The following FLYWCH2 variants were observed in gnomAD, a reference collection of about 807,000 sequenced individuals.
FLYWCH2 encodes FLYWCH family member 2.
Under a neutral mutation model 6.0 loss-of-function variants are expected in FLYWCH2, and 2 were observed. The observed-to-expected ratio is 0.33, with a 90% CI of 0.14 to 1.04. FLYWCH2 has a LOEUF of 1.04. Among genes scored for constraint, FLYWCH2 ranks in the 50% least tolerant of loss-of-function variants. FLYWCH2 has a pLI of 0.45. For synonymous variants in FLYWCH2, 87 were observed against 79.3 expected, an observed-to-expected ratio of 1.10 and a Z score of -0.52; for missense variants, 192 against 183.4, an observed-to-expected ratio of 1.05 and a Z score of -0.27.
chr16:2,884,824 A>G (rs2069680545), intron 1 of FLYWCH2, among the ~76,000 whole-genome samples: 1 of 150,654 alleles, frequency 6.6e-6, no homozygotes, highest in Non-Finnish European at 1.5e-5. Context: ...CAGTGACCCA[A>G]GGTCGCGCCA....
intron 3 of FLYWCH2, among the ~76,000 whole-genome samples, chr16:2,897,735 G>A (rs894367733): frequency 2.0e-5 from 3 of 152,242 alleles, no homozygotes; most frequent in Non-Finnish European, 2.9e-5. Context: ...AGCAGGTCCT[G>A]CCTCTGGGCT....
chr16:2,887,684 C>A (rs2069714135), intron 1 of FLYWCH2, among the ~76,000 whole-genome samples: 1 of 151,860 alleles, frequency 6.6e-6, no homozygotes, highest in Admixed American at 6.6e-5. Flanking sequence ...AACGCTCCCA[C>A]CTCAGCCTCC....
intron 1 of FLYWCH2, among the ~76,000 whole-genome samples, chr16:2,885,342 A>T (rs72768801): frequency 1.8e-3 from 89 of 49,734 alleles, no homozygotes; most frequent in Admixed American, 3.3e-3. Flanking sequence ...AACAAAAAAA[A>T]AAATATACAG....
Position 2,894,072 on chromosome 16 carries a change from G to A in FLYWCH2, c.-199-1148G>A, listed in dbSNP as rs928954300. ...TGCGGTTTTGTCATTGAAAGCAATG[G>A]CAAAACCGCAATTACTTTTGCACTA... On this transcript the variant is annotated intron_variant, in intron 1 of 3. Transcript: ENST00000396958. 1.6e-4 allele frequency among the ~76,000 whole-genome samples: 24 copies of A among 152,026 alleles called. 1 individual carries two copies. The highest frequency in any genetic ancestry group is 5.3e-4 in the African/African-American group (22 of 41,398).
chr16:2,897,011 C>A, intron 3 of FLYWCH2: 1 of 579,120 alleles, frequency 1.7e-6, no homozygotes, highest in East Asian at 3.0e-5. Flanking sequence ...GAATGCGCTG[C>A]CTACTGGCTC....
chr16:2,892,704 C>T (rs1454507641), intron 1 of FLYWCH2, among the ~76,000 whole-genome samples: 1 of 151,286 alleles, frequency 6.6e-6, no homozygotes, highest in South Asian at 2.1e-4. Flanking sequence ...ATTAGGAGAG[C>T]ATGGTGGCGT....
chr16:2,897,381 A>C (rs1387685548), intron 3 of FLYWCH2, among the ~76,000 whole-genome samples: 1 of 152,126 alleles, frequency 6.6e-6, no homozygotes, highest in Admixed American at 6.5e-5. Flanking sequence ...CAGGGCTCAC[A>C]GGTCCCATGG....
Position 2,899,185 on chromosome 16 carries a change from C to A in FLYWCH2, c.*36C>A. ...AGGCGCATCCTCCCAGGCCACCAAC[C>A]CAGCCATAGGCTCTTCTCTGTCCGC... On this transcript the variant is annotated 3_prime_UTR_variant, in exon 4 of 4. Coordinates refer to ENST00000396958, the MANE Select transcript of FLYWCH2 (RefSeq NM_138439.3). 6 of 1,536,688 alleles carry A rather than the reference C, an allele frequency of 3.9e-6. No individual in the cohort carries two copies. Among genetic ancestry groups the A allele is most frequent in the Non-Finnish European group, 5.4e-6 (6 of 1,117,168 alleles).
intron 1 of FLYWCH2, among the ~76,000 whole-genome samples, chr16:2,892,028 C>T (rs976905380): frequency 1.3e-5 from 2 of 150,436 alleles, no homozygotes; most frequent in Admixed American, 6.6e-5. Context: ...CCTGTCTCAA[C>T]TGAAAATACA....
intron 1 of FLYWCH2, among the ~76,000 whole-genome samples, chr16:2,886,733 C>G (rs993533244): frequency 6.6e-6 from 1 of 151,758 alleles, no homozygotes; most frequent in East Asian, 1.9e-4. Context: ...GTTGGTCAGG[C>G]TGGTCTCGAA....
At position 2,896,425 on chromosome 16, in the gene FLYWCH2, T is replaced by C; in HGVS notation, c.-25T>C. 6.3e-7 allele frequency: 1 copy of C among 1,591,596 alleles called. No individual in the cohort carries two copies. The highest frequency in any genetic ancestry group is 8.6e-7 in the Non-Finnish European group (1 of 1,169,580). On this transcript the variant is annotated 5_prime_UTR_variant, in exon 3 of 4. Transcript: ENST00000396958. ...CACCTGCTGGGGGCTGAGTGTGGCC[T>C]GAGGGACAGGCCCTGGGTCCCGGGA...
At position 2,899,198 on chromosome 16, in the gene FLYWCH2, C is replaced by G. The variant is rs1387597607; in HGVS notation, c.*49C>G. 4 of 1,412,340 alleles carry G rather than the reference C, an allele frequency of 2.8e-6. No individual in the cohort carries two copies. The African/African-American group carries it at 4.3e-5, about 15-fold the overall frequency. The allele number at this position is 1,412,340 out of a possible 1,614,324, so 87.5% of individuals were successfully genotyped here. On this transcript the variant is annotated 3_prime_UTR_variant, in exon 4 of 4. Coordinates refer to ENST00000396958, the MANE Select transcript of FLYWCH2 (RefSeq NM_138439.3). Reference sequence around the variant, plus strand: ...CAGGCCACCAACCCAGCCATAGGCTCTTCTCTGTCCGCAGGGCTTCTGGGG... The same window carrying G: ...CAGGCCACCAACCCAGCCATAGGCTGTTCTCTGTCCGCAGGGCTTCTGGGG...
Sources: allele counts gnomAD v4.1 joint callset (sites outside exome capture counted in the v4.1 genomes callset), GRCh38; gene constraint gnomAD v4.1.1; transcripts MANE v1.5; gene names NCBI Gene and HGNC (gene_info 2026-07-23, HGNC 2026-07-21).